Variants in UTP6 observed in about 807,000 individuals in gnomAD.
UTP6 encodes the protein U3 small nucleolar RNA-associated protein 6 homolog.
In UTP6, 60 loss-of-function variants were observed where a neutral mutation model predicts 96.5. The ratio of observed to expected loss-of-function variants is 0.62; its 90% CI spans 0.51 to 0.77. The LOEUF (loss-of-function observed/expected upper bound fraction) is 0.77, where lower values mean the gene tolerates loss of function less well. Ranked by LOEUF, UTP6 falls within the 30% of genes least tolerant of loss-of-function variation. UTP6 has a pLI of 0.00. For missense variants in UTP6, 637 were observed against 706.5 expected (o/e 0.90, Z 1.12); for synonymous variants, 215 against 240.1 (o/e 0.90, Z 0.96).
intron 16 of UTP6, 192 bp downstream of exon 16, chr17:31,873,186 G>A (rs1017787428): frequency 3.3e-5 from 16 of 489,124 alleles, no homozygotes; most frequent in African/African-American, 1.2e-4. Flanking sequence ...CGCAGGAGGC[G>A]GAGATTGCAG....
Position 31,873,679 on chromosome 17 carries a change from G to C in UTP6, c.1380C>G (p.Val460=). 2 of 1,613,678 alleles carry C rather than the reference G, an allele frequency of 1.2e-6. No homozygotes were observed. The highest frequency in any genetic ancestry group is 1.7e-6 in the Non-Finnish European group (2 of 1,179,952). Residue 460 remains valine, a synonymous_variant, in exon 15 of 19, where the codon GTC becomes GTG. Transcript: ENST00000261708. ...GAKSQEDTEA[V]FKKALLAVIG... ...TGGAACACGGAGCCTATACCTTAAA[G>C]ACTGCCTCAGTGTCTTCTTGGCTTT...
chr17:31,872,765 C>A (rs1329284125), intron 16 of UTP6, among the ~76,000 whole-genome samples: 1 of 152,038 alleles, frequency 6.6e-6, no homozygotes, highest in African/African-American at 2.4e-5. Context: ...CTTTGAGAGG[C>A]CAAGACAAGC....
At chr17:31,869,460 T>A (rs902761321) in intron 16 of UTP6, among the ~76,000 whole-genome samples, 1 of 151,898 alleles carries the variant, frequency 6.6e-6, no homozygotes, top group African/African-American at 2.4e-5. Flanking sequence ...AGGAATGGCA[T>A]GAGCCACCAC....
At chr17:31,899,783 T>G (rs1904866387) in intron 1 of UTP6, 53 bp from the exon 2 acceptor site, 2 of 1,255,056 alleles carry the variant, frequency 1.6e-6, no homozygotes. Context: ...ATTAAACGTT[T>G]AAGTTTATTT....
chr17:31,878,543 C>A (rs530311091), intron 12 of UTP6, among the ~76,000 whole-genome samples, 159 bp downstream of exon 12: 6 of 152,286 alleles, frequency 3.9e-5, no homozygotes, highest in African/African-American at 1.4e-4. Flanking sequence ...GCAAACCAGA[C>A]TCAGACCTTT....
chr17:31,887,324 G>C lies in UTP6; in HGVS notation c.544-11C>G. On this transcript the variant is annotated splice_polypyrimidine_tract_variant and intron_variant, in intron 7 of 18. Coordinates refer to ENST00000261708, the MANE Select transcript of UTP6 (RefSeq NM_018428.3). ...CTCCATCCTAAAGTACTACAGAAGAGAAATAAACTGAAAATCTTTGGAGAT... is the reference window on the plus strand; with the variant it reads ...CTCCATCCTAAAGTACTACAGAAGACAAATAAACTGAAAATCTTTGGAGAT... The C allele has an allele frequency of 2.5e-6, 4 of 1,610,918 alleles. No homozygotes were observed. The highest frequency in any genetic ancestry group is 1.1e-5 in the South Asian group (1 of 90,714).
Position 31,878,257 on chromosome 17 carries a change from T to C in UTP6, c.1118A>G (p.Lys373Arg). ...ELKLLSECQY[K>R]QLSVSLLCYN... is the part of the protein sequence containing the mutation. Reference sequence around the variant, plus strand: ...TTTTCTCTATGTTCTTACCAACTGCTTGTATTGGCATTCTGACAGAAGCTT... The same window carrying C: ...TTTTCTCTATGTTCTTACCAACTGCCTGTATTGGCATTCTGACAGAAGCTT... The change falls in exon 13 of 19, where the codon AAG becomes AGG. Residue 373 changes from lysine to arginine, a missense_variant. By Grantham distance (26) the Lys-to-Arg change is conservative. Coordinates refer to ENST00000261708, the MANE Select transcript of UTP6 (RefSeq NM_018428.3). 1 of 1,614,154 alleles carries C rather than the reference T, an allele frequency of 6.2e-7. No individual in the cohort carries two copies. The highest frequency in any genetic ancestry group is 8.5e-7 in the Non-Finnish European group (1 of 1,179,996).
intron 12 of UTP6, 117 bp from the exon 13 acceptor site, chr17:31,878,444 C>T: frequency 2.9e-6 from 3 of 1,026,228 alleles, no homozygotes; most frequent in Non-Finnish European, 4.4e-6. Flanking sequence ...CTGACTTGCT[C>T]CTGCATGGTG....
chr17:31,884,275 G>A lies in UTP6; in HGVS notation c.785+149C>T, dbSNP rs542571803. The A allele has an allele frequency of 6.8e-6, 4 of 586,512 alleles. No individual in the cohort carries two copies. The East Asian group carries it at 1.3e-4, about 19-fold the overall frequency. 36.3% of individuals were successfully genotyped at this position (586,512 alleles called of 1,614,324 possible). ...AGTCTCCCAAAGTGCTGGGATTACAGGTGTGAGCCACTGCACCCGGCCAAT... is the reference window on the plus strand; with the variant it reads ...AGTCTCCCAAAGTGCTGGGATTACAAGTGTGAGCCACTGCACCCGGCCAAT... On this transcript the variant is annotated intron_variant, in intron 10 of 18. Coordinates refer to ENST00000261708, the MANE Select transcript of UTP6 (RefSeq NM_018428.3).
chr17:31,884,410 C>T lies in UTP6; in HGVS notation c.785+14G>A. On this transcript the variant is annotated intron_variant, in intron 10 of 18. Coordinates refer to ENST00000261708, the MANE Select transcript of UTP6 (RefSeq NM_018428.3). ...AGAAATAGATATATTCACCTTTCTA[C>T]TAACTTTACTTACTCATCATAAATC... 3 of 1,592,864 alleles carry T rather than the reference C, an allele frequency of 1.9e-6. No individual in the cohort carries two copies. Among genetic ancestry groups the T allele is most frequent in the Non-Finnish European group, 2.6e-6 (3 of 1,166,522 alleles).
In UTP6 at chr17:31,862,994, C is replaced by T. The variant is rs1909609219; in HGVS notation, c.*365G>A. On this transcript the variant is annotated 3_prime_UTR_variant, in exon 19 of 19. Coordinates refer to ENST00000261708, the MANE Select transcript of UTP6 (RefSeq NM_018428.3). ...CATGTATTTTGGGAAACATTTAGGA[C>T]CTGTGGAAGATCGGGCCTCAACATT... 1 of 181,504 alleles carries T rather than the reference C, an allele frequency of 5.5e-6. No individual in the cohort carries two copies. Among genetic ancestry groups the T allele is most frequent in the South Asian group, 1.3e-4 (1 of 7,576 alleles). 11.2% of individuals were successfully genotyped at this position (181,504 alleles called of 1,614,324 possible).
At chr17:31,882,241 G>A (rs900715418) in intron 10 of UTP6, among the ~76,000 whole-genome samples, 2 of 151,410 alleles carry the variant, frequency 1.3e-5, no homozygotes, top group African/African-American at 4.8e-5. Flanking sequence ...ATGTTGGCCA[G>A]ACTGGTCTCA....
At chr17:31,884,574 T>C in intron 9 of UTP6, 69 bp from the exon 10 acceptor site, 1 of 1,203,950 alleles carries the variant, frequency 8.3e-7, no homozygotes, top group Non-Finnish European at 1.2e-6. Flanking sequence ...AAAGTAGCAT[T>C]CTTTTCATGT....
intron 13 of UTP6, among the ~76,000 whole-genome samples, chr17:31,877,239 G>T (rs973764841): frequency 1.3e-5 from 2 of 152,076 alleles, no homozygotes; most frequent in African/African-American, 4.8e-5. Flanking sequence ...TGAATGAAAG[G>T]AAATTTTACC....
At position 31,863,248 on chromosome 17, in the gene UTP6, A is replaced by C; in HGVS notation, c.*111T>G. 1 of 1,109,960 alleles carries C rather than the reference A, an allele frequency of 9.0e-7. No individual in the cohort carries two copies. Among genetic ancestry groups the C allele is most frequent in the Non-Finnish European group, 1.3e-6 (1 of 769,430 alleles). The allele number at this position is 1,109,960 out of a possible 1,614,324, so 68.8% of individuals were successfully genotyped here. A position where few individuals can be genotyped will look rare whatever the true frequency, so the allele number is the denominator to read the frequency against. On this transcript the variant is annotated 3_prime_UTR_variant, in exon 19 of 19. Coordinates refer to ENST00000261708, the MANE Select transcript of UTP6 (RefSeq NM_018428.3). ...AAATTAAAGTGTGTCTCAAAACCAG[A>C]CAGCCATCTTGTCTGCCATCACTGA...
intron 1 of UTP6, among the ~76,000 whole-genome samples, chr17:31,900,481 G>A (rs1232240523): frequency 1.3e-5 from 2 of 151,880 alleles, no homozygotes; most frequent in East Asian, 1.9e-4. Context: ...TAGTAGAGAC[G>A]GGGTTTCACC....
At chr17:31,895,964 T>A (rs530371925) in intron 2 of UTP6, among the ~76,000 whole-genome samples, 2 of 149,656 alleles carry the variant, frequency 1.3e-5, no homozygotes, top group Non-Finnish European at 3.0e-5. Context: ...TCAGCCGAGA[T>A]CATGTCACTG....
chr17:31,894,141 C>T (rs1003291241), intron 4 of UTP6, among the ~76,000 whole-genome samples: 3 of 150,922 alleles, frequency 2.0e-5, no homozygotes, highest in Non-Finnish European at 3.0e-5. Context: ...CGGTGGCATG[C>T]GCCTGTGATC....
intron 16 of UTP6, among the ~76,000 whole-genome samples, chr17:31,870,629 C>T (rs563351970): frequency 1.3e-5 from 2 of 151,030 alleles, no homozygotes; most frequent in South Asian, 4.2e-4. Flanking sequence ...TCATGCCATT[C>T]TCCTGCCTCA....
Sources: allele counts gnomAD v4.1 joint callset (sites outside exome capture counted in the v4.1 genomes callset), GRCh38; gene constraint gnomAD v4.1.1; transcripts MANE v1.5; gene names NCBI Gene and HGNC (gene_info 2026-07-23, HGNC 2026-07-21).